Variants in CPEB3 observed in about 807,000 individuals in gnomAD.
CPEB3 encodes cytoplasmic polyadenylation element binding protein 3.
A neutral mutation model predicts 67.2 loss-of-function variants in CPEB3; 20 were observed. The observed-to-expected ratio is 0.30, with a 90% CI of 0.21 to 0.43. CPEB3 has a LOEUF of 0.43. Among genes scored for constraint, CPEB3 ranks in the 20% least tolerant of loss-of-function variants. CPEB3 has a pLI of 1.00. For synonymous variants in CPEB3, 376 were observed against 393.1 expected (o/e 0.96, Z 0.51); for missense variants, 746 against 968.6 (o/e 0.77, Z 3.05).
At chr10:92,134,395 A>G (rs1845989726) in intron 6 of CPEB3, among the ~76,000 whole-genome samples, 1 of 151,954 alleles carries the variant, frequency 6.6e-6, no homozygotes. Context: ...CCAAATCATG[A>G]GTGAACTCCC....
intron 7 of CPEB3, among the ~76,000 whole-genome samples, chr10:92,094,461 G>T (rs1374591696): frequency 1.3e-5 from 2 of 151,952 alleles, no homozygotes; most frequent in Admixed American, 6.6e-5. Flanking sequence ...AATTAGCCGG[G>T]CGTGGTAGCG....
intron 4 of CPEB3, among the ~76,000 whole-genome samples, chr10:92,156,170 T>C (rs1485841741): frequency 6.6e-6 from 1 of 152,150 alleles, no homozygotes; most frequent in East Asian, 1.9e-4. Flanking sequence ...AGGAAAACAC[T>C]GTCTGCAAGG....
intron 6 of CPEB3, among the ~76,000 whole-genome samples, chr10:92,126,372 C>T (rs1315772633): frequency 6.6e-6 from 1 of 152,124 alleles, no homozygotes; most frequent in Non-Finnish European, 1.5e-5. Context: ...AGTCAAATAA[C>T]TCAACTACCA....
At chr10:92,203,564 C>T (rs932274619) in intron 2 of CPEB3, among the ~76,000 whole-genome samples, 3 of 147,992 alleles carry the variant, frequency 2.0e-5, no homozygotes, top group Non-Finnish European at 4.5e-5. Flanking sequence ...ATTACAGGAG[C>T]CTGCCACCAT....
At chr10:92,277,870 GA>G (rs1842061621) in intron 1 of CPEB3, among the ~76,000 whole-genome samples, 1 of 151,446 alleles carries the variant, frequency 6.6e-6, no homozygotes, top group Non-Finnish European at 1.5e-5. Context: ...CAGCCTGGGG[GA>G]CAGAGCAAGA....
At chr10:92,106,644 G>A (rs973214937) in intron 7 of CPEB3, among the ~76,000 whole-genome samples, 1 of 151,442 alleles carries the variant, frequency 6.6e-6, no homozygotes, top group Non-Finnish European at 1.5e-5. Context: ...GTGAAACCCC[G>A]TCTCTACTAA....
intron 3 of CPEB3, among the ~76,000 whole-genome samples, chr10:92,186,193 G>A (rs1205725270): frequency 4.6e-5 from 5 of 107,890 alleles, no homozygotes; most frequent in Admixed American, 1.2e-4. Context: ...GCAACATGGC[G>A]AAACCCTGTC....
At position 92,239,429 on chromosome 10, in the gene CPEB3, G is replaced by A; in HGVS notation, c.922C>T (p.Arg308Cys). 5.0e-6 allele frequency: 8 copies of A among 1,602,840 alleles called. No individual in the cohort carries two copies. The highest frequency in any genetic ancestry group is 4.5e-5 in the South Asian group (4 of 89,324). The change falls in exon 2 of 10, where the codon CGC becomes TGC. Residue 308 changes from arginine (R) to cysteine (C), a missense_variant. Around this residue, in one of 2 missense-constraint regions of CPEB3, gnomAD observed 643 missense variants for 717.5 expected, o/e 0.90. Transcript: ENST00000265997. The surrounding 1 kb of genome is among the most constrained non-coding windows in gnomAD (Gnocchi z 6.0). ...GACTTGGAAGTGAGAGGGGCCGCGC[G>A]AGGGAACTTGGGCGGCGCGATCACG... is the stretch of plus-strand genomic sequence containing the variant. ...SNVIAPPKFP[R>C]AAPLTSKSWM... is the part of the protein sequence containing the mutation.
chr10:92,119,287 C>T (rs1354194541), intron 6 of CPEB3: 13 of 1,517,964 alleles, frequency 8.6e-6, no homozygotes, highest in Non-Finnish European at 1.2e-5. Flanking sequence ...TTTGCACTTT[C>T]AGATCCCCTT....
At chr10:92,175,197 A>G (rs948099478) in intron 4 of CPEB3, among the ~76,000 whole-genome samples, 5 of 151,260 alleles carry the variant, frequency 3.3e-5, no homozygotes, top group African/African-American at 1.2e-4. Context: ...GTCACAATAG[A>G]TTAGTTTACA....
At chr10:92,154,353 A>C (rs1011165376) in intron 4 of CPEB3, among the ~76,000 whole-genome samples, 1 of 140,988 alleles carries the variant, frequency 7.1e-6, no homozygotes, top group Non-Finnish European at 1.5e-5. Context: ...GGTATTTTTA[A>C]ACTATATGTA....
chr10:92,073,792 A>G (rs962527988), intron 9 of CPEB3, among the ~76,000 whole-genome samples: 1 of 152,044 alleles, frequency 6.6e-6, no homozygotes, highest in African/African-American at 2.4e-5. Context: ...GCGTCCAAAA[A>G]AGACAGCTCT....
chr10:92,168,730 T>C (rs1284594440), intron 4 of CPEB3, among the ~76,000 whole-genome samples: 2 of 152,050 alleles, frequency 1.3e-5, no homozygotes, highest in Non-Finnish European at 2.9e-5. Context: ...TCTGCCATGA[T>C]TGTAAGTTTC....
At chr10:92,236,313 A>G (rs529599920) in intron 2 of CPEB3, among the ~76,000 whole-genome samples, 55 of 152,346 alleles carry the variant, frequency 3.6e-4, no homozygotes, top group Non-Finnish European at 5.9e-4. Flanking sequence ...ACCTCTCAGG[A>G]TCTCAGTCTC....
chr10:92,096,741 C>T (rs527787083), intron 7 of CPEB3, among the ~76,000 whole-genome samples: 14 of 152,116 alleles, frequency 9.2e-5, no homozygotes, highest in African/African-American at 2.9e-4. Context: ...GTCAGGAGTT[C>T]GACACCAGCT....
intron 2 of CPEB3, among the ~76,000 whole-genome samples, chr10:92,229,092 T>C (rs1057102112): frequency 7.4e-5 from 11 of 149,556 alleles, no homozygotes; most frequent in Admixed American, 7.3e-4. Context: ...GGCACAATCA[T>C]GGCTCACTAT....
At chr10:92,182,084 A>G (rs1270284700) in intron 3 of CPEB3, among the ~76,000 whole-genome samples, 1 of 152,250 alleles carries the variant, frequency 6.6e-6, no homozygotes. Context: ...TGTAAAGCTA[A>G]TATCTATAAA....
At chr10:92,171,198 C>T (rs1001790861) in intron 4 of CPEB3, among the ~76,000 whole-genome samples, 1 of 152,182 alleles carries the variant, frequency 6.6e-6, no homozygotes, top group African/African-American at 2.4e-5. Flanking sequence ...GCTGCAGTAG[C>T]ATGGAGAAGC....
chr10:92,208,476 C>T (rs1849901104), intron 2 of CPEB3, among the ~76,000 whole-genome samples: 1 of 152,086 alleles, frequency 6.6e-6, no homozygotes, highest in South Asian at 2.1e-4. Context: ...TAAATCTTAG[C>T]TATTTGCAGC....
Sources: gnomAD v4.1 joint callset for allele counts (sites outside exome capture counted in the v4.1 genomes callset) on GRCh38, gnomAD v4.1.1 for gene constraint, gnomAD v4.1.1 regional missense constraint, Gnocchi (gnomAD v3.1) non-coding constraint, MANE v1.5 for transcripts, NCBI Gene and HGNC (gene_info 2026-07-23, HGNC 2026-07-21) for gene names.